Variants in BUD23 observed in about 807,000 individuals in gnomAD.
The protein encoded by BUD23 is 18S rRNA (guanine-N(7))-methyltransferase.
Under a neutral mutation model 47.0 loss-of-function variants are expected in BUD23, and 34 were observed. That is an observed-to-expected ratio of 0.72 (90% CI 0.55 to 0.96). The LOEUF is 0.96. Among genes scored for constraint, BUD23 ranks in the 40% least tolerant of loss-of-function variants. BUD23 has a pLI of 0.00. For synonymous variants in BUD23, 124 were observed against 132.0 expected (o/e 0.94, Z 0.41); for missense variants, 343 against 361.2 (o/e 0.95, Z 0.41).
chr7:73,689,456 A>G (rs1798104374), intron 5 of BUD23, among the ~76,000 whole-genome samples: 1 of 151,850 alleles, frequency 6.6e-6, no homozygotes, highest in Non-Finnish European at 1.5e-5. Context: ...ACGGTTTATT[A>G]GGTGCTTTAG....
intron 9 of BUD23, 28 bp downstream of exon 9, chr7:73,693,697 C>A: frequency 6.2e-7 from 1 of 1,613,960 alleles, no homozygotes; most frequent in Non-Finnish European, 8.5e-7. Context: ...TGCAGGCAGG[C>A]CTGTGTCTTT....
At chr7:73,692,135 G>T (rs1170314900) in intron 6 of BUD23, among the ~76,000 whole-genome samples, 1 of 152,150 alleles carries the variant, frequency 6.6e-6, no homozygotes, top group Non-Finnish European at 1.5e-5. Flanking sequence ...TCTGGCCGCT[G>T]GTCTTGTGTG....
rs537894068 is a variant in BUD23, at chr7:73,696,911, T to A, written c.702-694T>A. 2.6e-4 allele frequency: 42 copies of A among 159,952 alleles called. 1 individual carries two copies. In the East Asian group the frequency reaches 7.4e-3, roughly 28 times the overall value. 9.9% of individuals were successfully genotyped at this position (159,952 alleles called of 1,614,324 possible). On this transcript the variant is annotated intron_variant, in intron 10 of 11. Coordinates refer to ENST00000265758, the MANE Select transcript of BUD23 (RefSeq NM_017528.5). ...TGATGACTTTCCCCCTTGCTGCTTCTCCCATGGCTCACCTCTTGCCCCCTG... is the reference window on the plus strand; with the variant it reads ...TGATGACTTTCCCCCTTGCTGCTTCACCCATGGCTCACCTCTTGCCCCCTG...
At chr7:73,696,403 T>C (rs1798403169) in intron 10 of BUD23, 1 of 152,208 alleles carries the variant, frequency 6.6e-6, no homozygotes, top group Non-Finnish European at 1.5e-5. Flanking sequence ...CCATGTGTCT[T>C]AGGATCCTTC....
chr7:73,689,279 C>T (rs1270576250), intron 5 of BUD23, among the ~76,000 whole-genome samples: 1 of 151,602 alleles, frequency 6.6e-6, no homozygotes, highest in Non-Finnish European at 1.5e-5. Context: ...GAACTCCTGA[C>T]TTCATGAACT....
chr7:73,693,446 C>T, intron 8 of BUD23, 32 bp downstream of exon 8: 1 of 1,612,736 alleles, frequency 6.2e-7, no homozygotes, highest in Non-Finnish European at 8.5e-7. Context: ...GCTGCCTGGG[C>T]TGCAGGAGGG....
intron 7 of BUD23, 117 bp downstream of exon 7, chr7:73,692,763 C>G: frequency 1.0e-6 from 1 of 981,408 alleles, no homozygotes; most frequent in Non-Finnish European, 1.5e-6. Context: ...AAACATGCAC[C>G]CTAGTGTGGC....
Position 73,697,413 on chromosome 7 carries a change from C to G in BUD23, c.702-192C>G, listed in dbSNP as rs574913061. 11 of 1,534,724 alleles carry G rather than the reference C, an allele frequency of 7.2e-6. No individual in the cohort carries two copies. In the East Asian group the frequency reaches 2.7e-4, roughly 38 times the overall value. On this transcript the variant is annotated intron_variant, in intron 10 of 11. Coordinates refer to ENST00000265758, the MANE Select transcript of BUD23 (RefSeq NM_017528.5). The stretch of plus-strand genomic sequence containing the variant: ...TGCCCACCCAACAACCTCTGTGGCC[C>G]GGATGGATGTTATCAGGAAGGAGGG...
chr7:73,687,184 C>T, intron 5 of BUD23, 89 bp downstream of exon 5: 1 of 1,366,468 alleles, frequency 7.3e-7, no homozygotes, highest in South Asian at 1.3e-5. Context: ...GTGATTATGG[C>T]TCACACTGCA....
At chr7:73,693,772 G>C (rs1798286674) in intron 9 of BUD23, 103 bp downstream of exon 9, 7 of 1,510,770 alleles carry the variant, frequency 4.6e-6, no homozygotes, top group Non-Finnish European at 5.5e-6. Context: ...GGGAAGCAGG[G>C]CCCAGCCCCA....
chr7:73,690,013 T>C (rs1717882872), intron 5 of BUD23, among the ~76,000 whole-genome samples: 1 of 151,982 alleles, frequency 6.6e-6, no homozygotes, highest in East Asian at 1.9e-4. Flanking sequence ...TGAGGTTTTA[T>C]TTATTTATTT....
chr7:73,686,771 G>GA, intron 3 of BUD23, 40 bp downstream of exon 3: 1 of 1,614,076 alleles, frequency 6.2e-7, no homozygotes, highest in Admixed American at 1.7e-5. Flanking sequence ...CTAAGGTGGT[G>GA]AAGTGTCTTT....
Position 73,692,578 on chromosome 7 carries a change from T to C in BUD23, c.460-18T>C, listed in dbSNP as rs192939706. 73 of 1,613,242 alleles carry C rather than the reference T, an allele frequency of 4.5e-5. No homozygotes were observed. The highest frequency in any genetic ancestry group is 5.8e-5 in the Non-Finnish European group (68 of 1,179,276). On this transcript the variant is annotated intron_variant, in intron 6 of 11. Transcript: ENST00000265758. ...CATGCAGTCATTTGTAAGACAGTGA[T>C]GTTCCTGTTTCTTTCAGGTCCGGGG...
Position 73,683,737 on chromosome 7 carries a change from C to T in BUD23, c.49-30C>T, listed in dbSNP as rs1554612144. 2.5e-6 allele frequency: 4 copies of T among 1,614,202 alleles called. No homozygotes were observed. The South Asian group carries it at 4.4e-5, about 18-fold the overall frequency. ...CTGCGGCCACCGCGTCTGAATTATT[C>T]CTCTACATGCCATTTTCTCTTTTTC... On this transcript the variant is annotated intron_variant, in intron 1 of 11. Transcript: ENST00000265758.
intron 8 of BUD23, 70 bp downstream of exon 8, chr7:73,693,484 A>G: frequency 6.2e-7 from 1 of 1,602,766 alleles, no homozygotes; most frequent in East Asian, 2.2e-5. Context: ...CTTTCAGGCC[A>G]CTCAGTGGTG....
At chr7:73,684,028 G>C in intron 2 of BUD23, 1 of 1,424,472 alleles carries the variant, frequency 7.0e-7, no homozygotes, top group Non-Finnish European at 9.2e-7. Flanking sequence ...TGCTTTCCGT[G>C]GGTGGTTTTC....
At chr7:73,692,776 C>A in intron 7 of BUD23, 130 bp downstream of exon 7, 1 of 849,492 alleles carries the variant, frequency 1.2e-6, no homozygotes, top group Admixed American at 2.8e-5. Context: ...AGTGTGGCCC[C>A]TGATGGCACA....
At position 73,692,625 on chromosome 7, in the gene BUD23, G is replaced by A; in HGVS notation, c.489G>A (p.Leu163=). The change falls in exon 7 of 12, where the codon CTG becomes CTA. Residue 163 remains leucine, a synonymous_variant. Transcript: ENST00000265758. ...LVRGSRAVLQ[L]YPENSEQLEL... Reference sequence around the variant, plus strand: ...GGGGATCCCGAGCTGTCCTGCAGCTGTACCCTGAGAACTCAGAGCAGGTGA... The same window carrying A: ...GGGGATCCCGAGCTGTCCTGCAGCTATACCCTGAGAACTCAGAGCAGGTGA... 1 of 1,613,918 alleles carries A rather than the reference G, an allele frequency of 6.2e-7. No individual in the cohort carries two copies. The highest frequency in any genetic ancestry group is 8.5e-7 in the Non-Finnish European group (1 of 1,179,826).
Position 73,691,031 on chromosome 7 carries a change from C to G in BUD23, c.459+19C>G, listed in dbSNP as rs1554613959. ...TGTTCTCGTGAGTATAAGATCTTCT[C>G]CCCATCTGGGTTAGCTGCCTGTCCC... is the stretch of plus-strand genomic sequence containing the variant. On this transcript the variant is annotated intron_variant, in intron 6 of 11. Coordinates refer to ENST00000265758, the MANE Select transcript of BUD23 (RefSeq NM_017528.5). 1 of 1,609,652 alleles carries G rather than the reference C, an allele frequency of 6.2e-7. No individual in the cohort carries two copies. The highest frequency in any genetic ancestry group is 1.1e-5 in the South Asian group (1 of 90,998).
Sources: allele counts gnomAD v4.1 joint callset (sites outside exome capture counted in the v4.1 genomes callset), GRCh38; gene constraint gnomAD v4.1.1; transcripts MANE v1.5; gene names NCBI Gene and HGNC (gene_info 2026-07-23, HGNC 2026-07-21).